Variants in ATAD1 observed in about 807,000 individuals in gnomAD.
ATAD1 encodes the protein outer mitochondrial transmembrane helix translocase.
Under a neutral mutation model 42.7 loss-of-function variants are expected in ATAD1, and 18 were observed. The ratio of observed to expected loss-of-function variants is 0.42; its 90% CI spans 0.29 to 0.63. The LOEUF (loss-of-function observed/expected upper bound fraction) is 0.63. ATAD1 is among the 20% of genes least tolerant of loss of function. The pLI is 0.19. For synonymous variants in ATAD1, 132 were observed against 143.1 expected (o/e 0.92, Z 0.55); for missense variants, 294 against 440.4 (o/e 0.67, Z 2.98).
chr10:87,792,874 G>T, intron 2 of ATAD1, 119 bp from the exon 3 acceptor site: 1 of 723,118 alleles, frequency 1.4e-6, no homozygotes. Context: ...AAATTTCCAA[G>T]GATATTCTAG....
intron 2 of ATAD1, among the ~76,000 whole-genome samples, chr10:87,797,882 A>T (rs1260872411): frequency 1.3e-5 from 2 of 152,054 alleles, no homozygotes; most frequent in Non-Finnish European, 2.9e-5. Context: ...TGTGTGAGGA[A>T]CTGAACTGTT....
chr10:87,765,329 T>C (rs566874175), intron 8 of ATAD1, among the ~76,000 whole-genome samples: 2 of 152,168 alleles, frequency 1.3e-5, no homozygotes, highest in South Asian at 4.1e-4. Context: ...GATATCAAGT[T>C]TGGGATAAAG....
intron 2 of ATAD1, among the ~76,000 whole-genome samples, chr10:87,812,698 G>A (rs2132056518): frequency 6.6e-6 from 1 of 152,250 alleles, no homozygotes; most frequent in Middle Eastern, 3.4e-3. Context: ...CTGTGGAATG[G>A]GATAATGCTA....
chr10:87,798,171 A>C (rs1270840957), intron 2 of ATAD1, among the ~76,000 whole-genome samples: 2 of 152,226 alleles, frequency 1.3e-5, no homozygotes, highest in Non-Finnish European at 2.9e-5. Flanking sequence ...AAGACATGTA[A>C]GAGGGCAGAA....
rs781452701 is a variant in ATAD1 at position 87,790,426 on chromosome 10, G to C, written c.266C>G (p.Thr89Ser). 1 of 1,601,812 alleles carries C rather than the reference G, an allele frequency of 6.2e-7. No individual in the cohort carries two copies. The highest frequency in any genetic ancestry group is 1.1e-5 in the South Asian group (1 of 87,974). ...HLVDPLNMHV[T>S]WSDIAGLDDV... ...ATCTAAACCTGCTATATCACTCCAAGTAACCTGGCAAAAGTTAAGGTCAAC... is the reference window on the plus strand; with the variant it reads ...ATCTAAACCTGCTATATCACTCCAACTAACCTGGCAAAAGTTAAGGTCAAC... The change falls in exon 4 of 10, where the codon ACT (threonine) becomes AGT (serine). Residue 89 changes from threonine (T) to serine (S), a missense_variant. By Grantham distance (58) the Thr-to-Ser change is moderately conservative (BLOSUM62 1). Transcript: ENST00000680024.
intron 7 of ATAD1, among the ~76,000 whole-genome samples, chr10:87,769,858 G>A (rs11202547): frequency 0.021 from 3,154 of 151,986 alleles, 104 homozygotes; most frequent in African/African-American, 0.07. Flanking sequence ...AGGCGGGCTC[G>A]CTTTAACCTG....
chr10:87,801,693 C>CT (rs1856703455), intron 2 of ATAD1, among the ~76,000 whole-genome samples: 1 of 152,156 alleles, frequency 6.6e-6, no homozygotes, highest in African/African-American at 2.4e-5. Flanking sequence ...TACCCTAAAA[C>CT]TTTTGTCATC....
chr10:87,766,961 ACTT>A (rs1854781805), intron 8 of ATAD1, among the ~76,000 whole-genome samples: 1 of 152,174 alleles, frequency 6.6e-6, no homozygotes, highest in South Asian at 2.1e-4. Flanking sequence ...GATTACCACA[ACTT>A]CTTAAATTTA....
At chr10:87,812,003 T>C (rs1224414024) in intron 2 of ATAD1, among the ~76,000 whole-genome samples, 1 of 152,190 alleles carries the variant, frequency 6.6e-6, no homozygotes, top group African/African-American at 2.4e-5. Flanking sequence ...GTCCTTTTTC[T>C]TTTCCCACAT....
Position 87,753,601 on chromosome 10 carries a change from T to C in ATAD1, c.*1086A>G, listed in dbSNP as rs1281269860. On this transcript the variant is annotated 3_prime_UTR_variant, in exon 10 of 10. Coordinates refer to ENST00000680024, the MANE Select transcript of ATAD1 (RefSeq NM_001321967.2). ...AATATGGGCATTTTGATGTGTACATTTGTACCTGACTTAGGGCACAATTTA... is the reference window on the plus strand; with the variant it reads ...AATATGGGCATTTTGATGTGTACATCTGTACCTGACTTAGGGCACAATTTA... The C allele has an allele frequency of 6.6e-6, 1 of 152,588 alleles. No individual in the cohort carries two copies. The highest frequency in any genetic ancestry group is 2.4e-5 in the African/African-American group (1 of 41,450). The allele number at this position is 152,588 out of a possible 1,614,324, so 9.5% of individuals were successfully genotyped here.
At chr10:87,827,993 T>C (rs1234177409) in intron 1 of ATAD1, among the ~76,000 whole-genome samples, 3 of 152,200 alleles carry the variant, frequency 2.0e-5, no homozygotes, top group East Asian at 3.8e-4. Context: ...GGTCTTACTC[T>C]GTTGCCCAGG....
At chr10:87,813,796 A>C (rs1433805315) in intron 2 of ATAD1, among the ~76,000 whole-genome samples, 1 of 151,982 alleles carries the variant, frequency 6.6e-6, no homozygotes, top group Non-Finnish European at 1.5e-5. Flanking sequence ...ATAAGACATA[A>C]ATATTTTAGT....
At chr10:87,771,378 G>A (rs1360083176) in intron 6 of ATAD1, among the ~76,000 whole-genome samples, 2 of 152,054 alleles carry the variant, frequency 1.3e-5, no homozygotes, top group African/African-American at 4.8e-5. Flanking sequence ...GGTGCTTAAT[G>A]AATACATGTT....
At chr10:87,763,476 G>T (rs4934368) in intron 8 of ATAD1, among the ~76,000 whole-genome samples, 119,972 of 152,168 alleles carry the variant, frequency 0.79, 48,203 homozygotes, top group African/African-American at 0.95. Context: ...CTGGATAACA[G>T]AGCGAGACCC....
At chr10:87,783,685 A>C (rs1855678136) in intron 5 of ATAD1, among the ~76,000 whole-genome samples, 1 of 151,796 alleles carries the variant, frequency 6.6e-6, no homozygotes, top group Admixed American at 6.6e-5. Context: ...CAGGAACAGA[A>C]CAAAAATATT....
chr10:87,806,984 G>A (rs963653426), intron 2 of ATAD1, among the ~76,000 whole-genome samples: 4 of 151,952 alleles, frequency 2.6e-5, no homozygotes, highest in East Asian at 1.9e-4. Flanking sequence ...TTGTCTGATC[G>A]CTTCTTTAAA....
In ATAD1 at chr10:87,806,952, G is replaced by T. The variant is rs576262647; in HGVS notation, c.162+7486C>A. On this transcript the variant is annotated intron_variant, in intron 2 of 9. Coordinates refer to ENST00000680024, the MANE Select transcript of ATAD1 (RefSeq NM_001321967.2). ...TACCATTAGTTTCCCACAGTTTGCT[G>T]CCCCTAGAGACTCCTTTTCTTTTGT... Among the ~76,000 whole-genome samples, 3 of 152,198 alleles carry T rather than the reference G, an allele frequency of 2.0e-5. No individual in the cohort carries two copies. In the South Asian group the frequency reaches 6.2e-4, roughly 32 times the overall value.
chr10:87,760,064 T>C (rs565299862), intron 8 of ATAD1, among the ~76,000 whole-genome samples: 1 of 152,352 alleles, frequency 6.6e-6, no homozygotes, highest in Non-Finnish European at 1.5e-5. Flanking sequence ...TACTTACTTA[T>C]GCAGTTGTTT....
Position 87,762,599 on chromosome 10 carries a change from G to A in ATAD1, c.831+5074C>T, listed in dbSNP as rs566001040. The stretch of plus-strand genomic sequence containing the variant: ...CCTGCCTCAGCCTCCCAAGTAGCCA[G>A]GATTACGGTTGCCAGCCACCATGTC... On this transcript the variant is annotated intron_variant, in intron 8 of 9. Transcript: ENST00000680024. Among the ~76,000 whole-genome samples the A allele has an allele frequency of 7.4e-4, 113 of 151,736 alleles. 4 individuals carry two copies. In the South Asian group the frequency reaches 0.023, roughly 31 times the overall value.
Sources: allele counts gnomAD v4.1 joint callset (sites outside exome capture counted in the v4.1 genomes callset), GRCh38; gene constraint gnomAD v4.1.1; transcripts MANE v1.5; gene names NCBI Gene and HGNC (gene_info 2026-07-23, HGNC 2026-07-21).